Variants in NTM observed in about 807,000 individuals in gnomAD.
NTM encodes the protein IgLON family member 2.
In NTM, 13 loss-of-function variants were observed where a neutral mutation model predicts 42.1. The ratio of observed to expected loss-of-function variants is 0.31; its 90% CI spans 0.20 to 0.49. The LOEUF is 0.49. Among genes scored for constraint, NTM ranks in the 20% least tolerant of loss-of-function variants. The pLI is 0.99. For missense variants in NTM, 373 were observed against 452.8 expected (o/e 0.82, Z 1.60); for synonymous variants, 187 against 179.2 (o/e 1.04, Z -0.35).
chr11:131,910,603 C>A (rs540087345), intron 1 of NTM, among the ~76,000 whole-genome samples: 11 of 150,906 alleles, frequency 7.3e-5, no homozygotes, highest in African/African-American at 2.2e-4. Flanking sequence ...GCGGTCGGGG[C>A]CCGCGCGCGT....
In NTM at chr11:131,397,517, A is replaced by G. The variant is rs191019535; in HGVS notation, c.82+26629A>G. Among the ~76,000 whole-genome samples, 80 of 152,172 alleles carry G rather than the reference A, an allele frequency of 5.3e-4. 1 individual carries two copies. Among genetic ancestry groups the G allele is most frequent in the African/African-American group, 1.8e-3 (75 of 41,538 alleles). ...GAAGCCCAGCTTCTAATTTTGTATT[A>G]TTTCATCTTGCTTTGCCCACTCCCA... On this transcript the variant is annotated intron_variant, in intron 1 of 8. Transcript: ENST00000683400.
chr11:131,665,370 T>G (rs1474443677), intron 1 of NTM, among the ~76,000 whole-genome samples: 3 of 152,246 alleles, frequency 2.0e-5, no homozygotes, highest in Non-Finnish European at 4.4e-5. Flanking sequence ...GTCACTGTTA[T>G]GAGCTGAACA....
At chr11:132,097,123 A>G (rs531943063) in intron 2 of NTM, among the ~76,000 whole-genome samples, 1 of 152,332 alleles carries the variant, frequency 6.6e-6, no homozygotes, top group East Asian at 1.9e-4. Flanking sequence ...TGTAAATGGA[A>G]TTCCTGAGAA....
intron 1 of NTM, among the ~76,000 whole-genome samples, chr11:131,808,935 T>G (rs774881307): frequency 6.6e-6 from 1 of 152,220 alleles, no homozygotes; most frequent in Non-Finnish European, 1.5e-5. Flanking sequence ...ATGTCTCAAT[T>G]TTCTCATCAT....
intron 4 of NTM, among the ~76,000 whole-genome samples, chr11:132,219,822 C>A (rs551634355): frequency 6.6e-6 from 1 of 152,292 alleles, no homozygotes; most frequent in African/African-American, 2.4e-5. Context: ...GCCCCCTCCT[C>A]TTCACTCCCA....
chr11:131,670,532 C>T (rs1379316368), intron 1 of NTM, among the ~76,000 whole-genome samples: 2 of 152,150 alleles, frequency 1.3e-5, no homozygotes, highest in South Asian at 2.1e-4. Context: ...AGCAGGGCTC[C>T]GCTGGAGCTG....
intron 1 of NTM, among the ~76,000 whole-genome samples, chr11:131,625,984 G>T (rs2063065530): frequency 6.6e-6 from 1 of 152,114 alleles, no homozygotes; most frequent in Non-Finnish European, 1.5e-5. Flanking sequence ...CATCTGGGTA[G>T]TTTGCAGCTT....
chr11:131,452,735 G>A lies in NTM; in HGVS notation c.82+81847G>A, dbSNP rs867994254. ...CTTGGTATGAGCCCAGCTTCTCTGA[G>A]ATTCCTGAGAGCTCCTGCACCCTTC... On this transcript the variant is annotated intron_variant, in intron 1 of 8. Transcript: ENST00000683400. 9.8e-5 allele frequency among the ~76,000 whole-genome samples: 15 copies of A among 152,286 alleles called. 1 individual carries two copies. In the Middle Eastern group the frequency reaches 0.01, roughly 104 times the overall value.
intron 3 of NTM, among the ~76,000 whole-genome samples, chr11:132,147,348 G>T (rs963022665): frequency 8.5e-5 from 13 of 152,182 alleles, no homozygotes; most frequent in Non-Finnish European, 1.6e-4. Flanking sequence ...CCGGTTGAAG[G>T]ATTCCTAGTT....
chr11:132,177,258 C>T (rs1267103543), intron 3 of NTM, among the ~76,000 whole-genome samples: 1 of 152,218 alleles, frequency 6.6e-6, no homozygotes, highest in East Asian at 1.9e-4. Flanking sequence ...TGAATTTGTT[C>T]AGTACCAAAT....
At chr11:131,835,984 A>T (rs1261847358) in intron 1 of NTM, among the ~76,000 whole-genome samples, 4 of 152,180 alleles carry the variant, frequency 2.6e-5, no homozygotes, top group Non-Finnish European at 4.4e-5. Flanking sequence ...TTCTGTTTAT[A>T]TGGAGAGTAA....
At chr11:132,180,208 G>A (rs868376996) in intron 3 of NTM, among the ~76,000 whole-genome samples, 3 of 152,092 alleles carry the variant, frequency 2.0e-5, no homozygotes, top group Admixed American at 1.3e-4. Context: ...TTTGTGAAAA[G>A]ATGAAAGAGA....
At chr11:131,371,433 A>T (rs755981565) in intron 1 of NTM, among the ~76,000 whole-genome samples, 51 of 152,124 alleles carry the variant, frequency 3.4e-4, no homozygotes, top group Admixed American at 1.8e-3. Flanking sequence ...GCAGTGGGGG[A>T]CAACTGTATT....
chr11:131,618,127 T>G, intron 1 of NTM, among the ~76,000 whole-genome samples: 1 of 152,170 alleles, frequency 6.6e-6, no homozygotes, highest in Admixed American at 6.5e-5. Flanking sequence ...AAGGGAGACC[T>G]TTGGGAGTGA....
At chr11:132,246,799 G>C (rs2091242407) in intron 4 of NTM, among the ~76,000 whole-genome samples, 1 of 152,098 alleles carries the variant, frequency 6.6e-6, no homozygotes, top group African/African-American at 2.4e-5. Flanking sequence ...GTCACATACC[G>C]ACTCACCTTC....
intron 4 of NTM, among the ~76,000 whole-genome samples, chr11:132,239,253 T>C (rs2089717059): frequency 6.6e-6 from 1 of 152,174 alleles, no homozygotes; most frequent in Non-Finnish European, 1.5e-5. Flanking sequence ...TCCAATCTAA[T>C]GTTTTTCTGT....
intron 1 of NTM, among the ~76,000 whole-genome samples, chr11:131,798,659 A>C (rs1249728795): frequency 6.6e-6 from 1 of 152,238 alleles, no homozygotes; most frequent in African/African-American, 2.4e-5. Flanking sequence ...TGTATCCATA[A>C]AACAGTATGT....
intron 2 of NTM, among the ~76,000 whole-genome samples, chr11:132,077,038 C>T (rs1458365124): frequency 1.3e-5 from 2 of 152,182 alleles, no homozygotes; most frequent in African/African-American, 4.8e-5. Context: ...AAACTGCTTT[C>T]TTCACATTAA....
intron 1 of NTM, among the ~76,000 whole-genome samples, chr11:131,699,802 T>C (rs1472362707): frequency 6.6e-6 from 1 of 152,026 alleles, no homozygotes; most frequent in African/African-American, 2.4e-5. Flanking sequence ...ATGATTAAAT[T>C]ACCTCCCACC....
Sources: gnomAD v4.1 joint callset for allele counts (sites outside exome capture counted in the v4.1 genomes callset) on GRCh38, gnomAD v4.1.1 for gene constraint, MANE v1.5 for transcripts, NCBI Gene and HGNC (gene_info 2026-07-23, HGNC 2026-07-21) for gene names.